SEM1: variants seen among roughly 807,000 people sequenced by gnomAD.
The protein encoded by SEM1 is 26S proteasome complex subunit SEM1.
A neutral mutation model predicts 12.7 loss-of-function variants in SEM1; 3 were observed. That is an observed-to-expected ratio of 0.24 (90% confidence interval 0.11 to 0.61). The LOEUF is 0.61. Ranked by LOEUF, SEM1 falls within the 20% of genes least tolerant of loss-of-function variation. The pLI is 0.88. For synonymous variants in SEM1, 30 were observed against 27.8 expected, an observed-to-expected ratio of 1.08 and a Z score of -0.25; for missense variants, 59 against 81.3, an observed-to-expected ratio of 0.73 and a Z score of 1.06.
Position 96,703,131 on chromosome 7 carries a change from A to G in SEM1, c.76+6557T>C, listed in dbSNP as rs561339516. Among the ~76,000 whole-genome samples, 20 of 152,306 alleles carry G rather than the reference A, an allele frequency of 1.3e-4. No individual in the cohort carries two copies. The South Asian group carries it at 1.9e-3, about 14-fold the overall frequency. ...ATGCTTGAGACCAGAAGTGTTTCAA[A>G]TTTTGTATTTTTTTGAATTTTGAAA... On this transcript the variant is annotated intron_variant, in intron 1 of 2. Transcript: ENST00000248566.
At chr7:96,645,039 T>G (rs1808740469) in intron 2 of SEM1, among the ~76,000 whole-genome samples, 1 of 152,166 alleles carries the variant, frequency 6.6e-6, no homozygotes, top group Admixed American at 6.6e-5. Context: ...TAATAACCAT[T>G]ATTAAGCCTT....
chr7:96,523,714 A>G (rs1475309127), intron 2 of SEM1, among the ~76,000 whole-genome samples: 1 of 152,082 alleles, frequency 6.6e-6, no homozygotes, highest in African/African-American at 2.4e-5. Context: ...ATCATCCTCA[A>G]AAACTATTGA....
At chr7:96,617,295 T>C (rs1241325230) in intron 2 of SEM1, among the ~76,000 whole-genome samples, 1 of 152,166 alleles carries the variant, frequency 6.6e-6, no homozygotes, top group African/African-American at 2.4e-5. Context: ...AGGTATTTCC[T>C]CTTTTTTTAG....
chr7:96,622,774 T>G, intron 2 of SEM1: 1 of 626,400 alleles, frequency 1.6e-6, no homozygotes, highest in Non-Finnish European at 2.9e-6. Flanking sequence ...GTGCTAGTCA[T>G]GTAATGCATG....
intron 2 of SEM1, among the ~76,000 whole-genome samples, chr7:96,595,033 A>AT (rs1348811454): frequency 1.3e-5 from 2 of 152,190 alleles, no homozygotes; most frequent in Non-Finnish European, 1.5e-5. Context: ...ATGCCCTGAA[A>AT]TATTATAGCT....
At chr7:96,673,566 C>G (rs1490671087) in exon 3 of SEM1, 1 of 597,308 alleles carries the variant, frequency 1.7e-6, no homozygotes, top group African/African-American at 1.9e-5. Flanking sequence ...TAACCATAAT[C>G]CTACCTTGCC....
At chr7:96,580,894 A>C (rs1401847089) in intron 2 of SEM1, among the ~76,000 whole-genome samples, 1 of 152,098 alleles carries the variant, frequency 6.6e-6, no homozygotes, top group Non-Finnish European at 1.5e-5. Flanking sequence ...AGTAGGTTGC[A>C]AAAATTTTCT....
At position 96,523,177 on chromosome 7, in the gene SEM1, C is replaced by T. The variant is rs1453782976; in HGVS notation, c.171-16479G>A. On this transcript the variant is annotated intron_variant and NMD_transcript_variant, in intron 2 of 3. Coordinates refer to the SEM1 transcript ENST00000466986. ...TAATTTTCACCTAAACTTATAAATC[C>T]AGTCTCTCTCTATATATTTTTGCTT... Among the ~76,000 whole-genome samples, 6 of 152,092 alleles carry T rather than the reference C, an allele frequency of 3.9e-5. No individual in the cohort carries two copies. In the South Asian group the frequency reaches 8.3e-4, roughly 21 times the overall value.
intron 1 of SEM1, chr7:96,496,232 G>A (rs1803249236): frequency 3.5e-6 from 4 of 1,145,282 alleles, no homozygotes; most frequent in Admixed American, 2.1e-5. Flanking sequence ...CTCATGTAGA[G>A]GATTATATTT....
intron 2 of SEM1, among the ~76,000 whole-genome samples, chr7:96,551,103 G>A (rs752656399): frequency 5.3e-5 from 8 of 152,230 alleles, no homozygotes; most frequent in African/African-American, 1.9e-4. Context: ...GAATATACAG[G>A]AGAGCACTTA....
intron 2 of SEM1, among the ~76,000 whole-genome samples, chr7:96,526,957 G>C (rs760985890): frequency 2.0e-4 from 31 of 152,070 alleles, no homozygotes; most frequent in Non-Finnish European, 4.3e-4. Context: ...AGAAAGGCAA[G>C]AATATACCAA....
intron 2 of SEM1, among the ~76,000 whole-genome samples, chr7:96,599,176 G>A (rs1807109516): frequency 1.3e-5 from 2 of 152,112 alleles, no homozygotes; most frequent in Admixed American, 6.5e-5. Flanking sequence ...GCTTTATCAG[G>A]TGTGGAGTGC....
chr7:96,569,259 G>A (rs1056082718), intron 2 of SEM1, among the ~76,000 whole-genome samples: 2 of 151,900 alleles, frequency 1.3e-5, no homozygotes, highest in Non-Finnish European at 2.9e-5. Context: ...AATTTTTCCT[G>A]TACTGTTTCT....
At chr7:96,533,337 C>T (rs573687857) in intron 2 of SEM1, among the ~76,000 whole-genome samples, 49 of 152,192 alleles carry the variant, frequency 3.2e-4, no homozygotes, top group African/African-American at 1.1e-3. Flanking sequence ...TCTCCTCCCA[C>T]CGTCTCCATC....
chr7:96,497,925 C>T (rs540492932), upstream of SEM1, among the ~76,000 whole-genome samples: 6 of 152,118 alleles, frequency 3.9e-5, no homozygotes, highest in South Asian at 1.2e-3. Context: ...AAACACAAGC[C>T]TGATGAAGAG....
At chr7:96,528,933 C>A (rs1415619802) in intron 2 of SEM1, among the ~76,000 whole-genome samples, 2 of 152,022 alleles carry the variant, frequency 1.3e-5, no homozygotes, top group Non-Finnish European at 2.9e-5. Context: ...AAATATATTC[C>A]CGTACCTAAT....
At chr7:96,659,184 T>G (rs1268487359) in intron 2 of SEM1, among the ~76,000 whole-genome samples, 3 of 150,236 alleles carry the variant, frequency 2.0e-5, no homozygotes, top group Middle Eastern at 3.2e-3. Context: ...AAAAGCAAAA[T>G]AAAAAAGAAA....
intron 2 of SEM1, among the ~76,000 whole-genome samples, chr7:96,552,722 G>A (rs1805325871): frequency 6.6e-6 from 1 of 151,984 alleles, no homozygotes. Flanking sequence ...GGGATGGCTG[G>A]GTCAAATGGT....
chr7:96,598,851 AC>A (rs1296467065), intron 2 of SEM1, among the ~76,000 whole-genome samples: 12 of 152,122 alleles, frequency 7.9e-5, no homozygotes, highest in Non-Finnish European at 1.6e-4. Context: ...ATTTTTTTAA[AC>A]TTCCATCCTG....
Sources: allele counts gnomAD v4.1 joint callset (sites outside exome capture counted in the v4.1 genomes callset), GRCh38; gene constraint gnomAD v4.1.1; transcripts MANE v1.5; gene names NCBI Gene and HGNC (gene_info 2026-07-23, HGNC 2026-07-21).